TSPAN5: variants seen among roughly 807,000 people sequenced by gnomAD.
The protein encoded by TSPAN5 is tetraspanin 5.
In TSPAN5, 10 loss-of-function variants were observed where a neutral mutation model predicts 37.1. The observed-to-expected ratio is 0.27, with a 90% CI of 0.17 to 0.46. TSPAN5 has a LOEUF of 0.46. TSPAN5 is among the 20% of genes least tolerant of loss of function. The pLI, the probability that TSPAN5 is intolerant of heterozygous loss-of-function variation, is 1.00. For missense variants in TSPAN5, 195 were observed against 326.6 expected, an observed-to-expected ratio of 0.60 and a Z score of 3.11; for synonymous variants, 110 against 118.9, an observed-to-expected ratio of 0.93 and a Z score of 0.48.
intron 1 of TSPAN5, among the ~76,000 whole-genome samples, chr4:98,533,612 G>A (rs560655615): frequency 9.3e-5 from 12 of 128,976 alleles, no homozygotes; most frequent in East Asian, 2.3e-4. Context: ...GTGCAGTGGC[G>A]CGATCTTGGC....
In TSPAN5 at chr4:98,571,862, G is replaced by A. The variant is rs79058917; in HGVS notation, c.82-64134C>T. ...ACAATATGTACTACCAGACATTGTG[G>A]ATATAACAGTGAACCTCCAAAATTT... On this transcript the variant is annotated intron_variant, in intron 1 of 7. Transcript: ENST00000305798. Among the ~76,000 whole-genome samples the A allele has an allele frequency of 7.9e-5, 12 of 152,302 alleles. No homozygotes were observed. In the East Asian group the frequency reaches 2.3e-3, roughly 29 times the overall value.
chr4:98,635,419 G>A (rs956315739), intron 1 of TSPAN5, among the ~76,000 whole-genome samples: 6 of 152,126 alleles, frequency 3.9e-5, no homozygotes, highest in Admixed American at 6.6e-5. Flanking sequence ...CATGAGGAAG[G>A]GATTTATTGG....
chr4:98,545,838 T>C (rs1356737880), intron 1 of TSPAN5, among the ~76,000 whole-genome samples: 1 of 152,164 alleles, frequency 6.6e-6, no homozygotes, highest in Non-Finnish European at 1.5e-5. Context: ...AACCCACATA[T>C]TCTTAATAGG....
At chr4:98,588,634 A>G (rs924886725) in intron 1 of TSPAN5, among the ~76,000 whole-genome samples, 3 of 152,244 alleles carry the variant, frequency 2.0e-5, no homozygotes, top group Non-Finnish European at 2.9e-5. Flanking sequence ...GAAATTTAGT[A>G]AGATTAAATA....
chr4:98,483,884 C>T (rs1578936382), intron 3 of TSPAN5: 2 of 152,736 alleles, frequency 1.3e-5, no homozygotes, highest in African/African-American at 4.8e-5. Flanking sequence ...CACTTCTGCT[C>T]AATGCCTACC....
chr4:98,523,086 C>A (rs1344897430), intron 1 of TSPAN5, among the ~76,000 whole-genome samples: 1 of 152,188 alleles, frequency 6.6e-6, no homozygotes, highest in Non-Finnish European at 1.5e-5. Context: ...AATGCACAGA[C>A]TCTTGGAAAT....
intron 1 of TSPAN5, among the ~76,000 whole-genome samples, chr4:98,522,489 T>G (rs1753876612): frequency 6.6e-6 from 1 of 152,244 alleles, no homozygotes; most frequent in South Asian, 2.1e-4. Flanking sequence ...CTTCAAGCTC[T>G]GTTTTCATAT....
intron 1 of TSPAN5, among the ~76,000 whole-genome samples, chr4:98,516,990 T>C (rs1333560472): frequency 6.6e-6 from 1 of 152,198 alleles, no homozygotes; most frequent in African/African-American, 2.4e-5. Flanking sequence ...TAAATGTCTC[T>C]TCTTTATAAA....
chr4:98,588,457 T>C (rs1027650664), intron 1 of TSPAN5, among the ~76,000 whole-genome samples: 1 of 152,164 alleles, frequency 6.6e-6, no homozygotes, highest in African/African-American at 2.4e-5. Flanking sequence ...AAAAAAGATA[T>C]TTTAACATTA....
chr4:98,631,466 A>C (rs1418960916), intron 1 of TSPAN5, among the ~76,000 whole-genome samples: 1 of 152,128 alleles, frequency 6.6e-6, no homozygotes, highest in Non-Finnish European at 1.5e-5. Flanking sequence ...AGGCAAACAT[A>C]GCACTCGATC....
intron 1 of TSPAN5, among the ~76,000 whole-genome samples, chr4:98,599,607 A>G (rs1198612031): frequency 1.3e-5 from 2 of 152,208 alleles, no homozygotes; most frequent in African/African-American, 4.8e-5. Flanking sequence ...CAAACTCCAG[A>G]AAACCACTGA....
chr4:98,576,175 A>G (rs554935255), intron 1 of TSPAN5, among the ~76,000 whole-genome samples: 2 of 149,808 alleles, frequency 1.3e-5, no homozygotes, highest in Admixed American at 1.3e-4. Flanking sequence ...CAAGAAAATT[A>G]AAAAAAAAAT....
chr4:98,590,198 T>C (rs1390360727), intron 1 of TSPAN5, among the ~76,000 whole-genome samples: 1 of 152,130 alleles, frequency 6.6e-6, no homozygotes, highest in African/African-American at 2.4e-5. Context: ...ATTCAATTTA[T>C]AAAATGAATA....
At chr4:98,587,539 C>G (rs1375210303) in intron 1 of TSPAN5, among the ~76,000 whole-genome samples, 1 of 152,156 alleles carries the variant, frequency 6.6e-6, no homozygotes, top group Non-Finnish European at 1.5e-5. Context: ...AAGTCTGGAA[C>G]AGAAACTCCG....
At chr4:98,501,939 C>G (rs1753361425) in intron 2 of TSPAN5, among the ~76,000 whole-genome samples, 1 of 152,120 alleles carries the variant, frequency 6.6e-6, no homozygotes, top group Admixed American at 6.6e-5. Context: ...GGCTTCTGCA[C>G]AAATGCAGGC....
At chr4:98,502,100 C>A (rs1753366024) in intron 2 of TSPAN5, among the ~76,000 whole-genome samples, 1 of 152,138 alleles carries the variant, frequency 6.6e-6, no homozygotes, top group Non-Finnish European at 1.5e-5. Context: ...CAGGAATGAG[C>A]AAGTAGAAGA....
chr4:98,592,448 T>TTTTTTTTTTTTTTA (rs1755667937), intron 1 of TSPAN5, among the ~76,000 whole-genome samples: 1 of 127,166 alleles, frequency 7.9e-6, no homozygotes, highest in African/African-American at 3.0e-5. Context: ...TTTTTTTTTT[T>TTTTTTTTTTTTTTA]ATTATACTCT....
chr4:98,540,704 A>G (rs530357966), intron 1 of TSPAN5, among the ~76,000 whole-genome samples: 2 of 152,262 alleles, frequency 1.3e-5, no homozygotes, highest in East Asian at 3.9e-4. Context: ...TGGGGATGCT[A>G]CAGAGCAAAT....
At chr4:98,482,390 T>C (rs956875683) in intron 3 of TSPAN5, 9 of 407,580 alleles carry the variant, frequency 2.2e-5, no homozygotes, top group Non-Finnish European at 2.6e-5. Context: ...TTAGGGTCTC[T>C]AGTGTTCCAT....
Sources: allele counts gnomAD v4.1 joint callset (sites outside exome capture counted in the v4.1 genomes callset), GRCh38; gene constraint gnomAD v4.1.1; transcripts MANE v1.5; gene names NCBI Gene and HGNC (gene_info 2026-07-23, HGNC 2026-07-21).